Variants in STAU2 observed in about 807,000 individuals in gnomAD.
STAU2 encodes the protein staufen double-stranded RNA binding protein 2.
In STAU2, 20 loss-of-function variants were observed where a neutral mutation model predicts 65.9. The ratio of observed to expected loss-of-function variants is 0.30; its 90% CI spans 0.21 to 0.44. The LOEUF is 0.44. STAU2 is among the 20% of genes least tolerant of loss of function. The pLI is 1.00. For missense variants in STAU2, 558 were observed against 683.9 expected, an observed-to-expected ratio of 0.82 and a Z score of 2.05; for synonymous variants, 232 against 233.9, an observed-to-expected ratio of 0.99 and a Z score of 0.07.
At chr8:73,637,037 A>AT (rs1452441954) in intron 6 of STAU2, among the ~76,000 whole-genome samples, 4 of 152,120 alleles carry the variant, frequency 2.6e-5, no homozygotes, top group Admixed American at 6.6e-5. Context: ...CTGGATAGAC[A>AT]TAATAGCCAA....
At chr8:73,494,779 CTTGTA>C (rs1455852919) in intron 13 of STAU2, among the ~76,000 whole-genome samples, 2 of 151,622 alleles carry the variant, frequency 1.3e-5, no homozygotes, top group Admixed American at 6.6e-5. Flanking sequence ...TTGTAAGCCA[CTTGTA>C]TTGTAATTAG....
At chr8:73,662,194 CTAT>C (rs1278660938) in intron 6 of STAU2, among the ~76,000 whole-genome samples, 1 of 152,144 alleles carries the variant, frequency 6.6e-6, no homozygotes, top group Non-Finnish European at 1.5e-5. Flanking sequence ...ATTCTTATCT[CTAT>C]TGTCTATTCA....
At chr8:73,703,734 A>G (rs1474375373) in intron 4 of STAU2, among the ~76,000 whole-genome samples, 1 of 152,242 alleles carries the variant, frequency 6.6e-6, no homozygotes, top group African/African-American at 2.4e-5. Flanking sequence ...GATTACATTT[A>G]TATAGTTTTA....
rs375660771 is a variant in STAU2, at chr8:73,616,195, C to A, written c.571-413G>T. On this transcript the variant is annotated intron_variant, in intron 7 of 14. Coordinates refer to ENST00000524300, the MANE Select transcript of STAU2 (RefSeq NM_001164380.2). ...AGTACAGGATGCAAACCAGGAGCAT[C>A]CTAATTGGAGATCTATGTCTGGCAC... Among the ~76,000 whole-genome samples, 56 of 152,172 alleles carry A rather than the reference C, an allele frequency of 3.7e-4. No homozygotes were observed. In the South Asian group the frequency reaches 0.011, roughly 31 times the overall value.
chr8:73,704,254 T>C (rs1820333978), intron 4 of STAU2, among the ~76,000 whole-genome samples: 2 of 152,212 alleles, frequency 1.3e-5, no homozygotes, highest in African/African-American at 4.8e-5. Context: ...CTCCAACAAA[T>C]CAATGTCATA....
At chr8:73,607,329 T>C (rs1812093195) in intron 9 of STAU2, among the ~76,000 whole-genome samples, 11 of 152,158 alleles carry the variant, frequency 7.2e-5, no homozygotes, top group Admixed American at 7.2e-4. Flanking sequence ...TATTGAGAAA[T>C]GTTTTATACT....
At chr8:73,637,284 AG>A (rs1814594625) in intron 6 of STAU2, among the ~76,000 whole-genome samples, 1 of 151,802 alleles carries the variant, frequency 6.6e-6, no homozygotes, top group African/African-American at 2.4e-5. Context: ...TACATATTCA[AG>A]AAGCTCAGTG....
intron 1 of STAU2, among the ~76,000 whole-genome samples, chr8:73,742,708 A>G (rs1806972111): frequency 6.6e-6 from 1 of 151,798 alleles, no homozygotes; most frequent in South Asian, 2.1e-4. Context: ...ACTAAATGAA[A>G]ACAAGCAGGA....
intron 11 of STAU2, among the ~76,000 whole-genome samples, chr8:73,591,862 T>C (rs1810799738): frequency 1.4e-5 from 1 of 73,860 alleles, no homozygotes; most frequent in Non-Finnish European, 2.4e-5. Context: ...TAAAAACCCA[T>C]ACAGCGTGTA....
intron 13 of STAU2, among the ~76,000 whole-genome samples, chr8:73,513,082 C>G (rs753105004): frequency 1.3e-5 from 2 of 152,098 alleles, no homozygotes; most frequent in Non-Finnish European, 2.9e-5. Flanking sequence ...CCTTTTCTTT[C>G]TTTAAATATC....
intron 14 of STAU2, among the ~76,000 whole-genome samples, chr8:73,421,989 C>T (rs1489814505): frequency 6.8e-5 from 10 of 147,748 alleles, no homozygotes; most frequent in African/African-American, 7.5e-5. Context: ...AATTGAGTCT[C>T]TGGAGAGACC....
At chr8:73,457,873 G>A (rs1819153934) in intron 13 of STAU2, among the ~76,000 whole-genome samples, 1 of 152,174 alleles carries the variant, frequency 6.6e-6, no homozygotes, top group African/African-American at 2.4e-5. Flanking sequence ...TGTTGCACTG[G>A]GTGTGATCCC....
intron 6 of STAU2, among the ~76,000 whole-genome samples, chr8:73,641,858 G>A (rs1815001464): frequency 6.6e-6 from 1 of 152,138 alleles, no homozygotes; most frequent in Admixed American, 6.6e-5. Context: ...TTAGAATTCT[G>A]TGAGACTAAT....
chr8:73,657,594 C>T (rs1816477666), intron 6 of STAU2, among the ~76,000 whole-genome samples: 1 of 152,114 alleles, frequency 6.6e-6, no homozygotes, highest in South Asian at 2.1e-4. Flanking sequence ...TATATTATTA[C>T]TAATTTCATA....
intron 6 of STAU2, among the ~76,000 whole-genome samples, chr8:73,670,798 C>G (rs1817618423): frequency 6.6e-6 from 1 of 152,004 alleles, no homozygotes. Context: ...ATAACAAAAG[C>G]ACCAGCAAAT....
At chr8:73,431,635 AG>A (rs1322628333) in intron 13 of STAU2, among the ~76,000 whole-genome samples, 1 of 152,250 alleles carries the variant, frequency 6.6e-6, no homozygotes, top group Non-Finnish European at 1.5e-5. Flanking sequence ...GTTTTAGAAC[AG>A]GTGTCTCTAC....
At chr8:73,564,741 T>C (rs893624792) in intron 12 of STAU2, among the ~76,000 whole-genome samples, 1 of 152,212 alleles carries the variant, frequency 6.6e-6, no homozygotes, top group African/African-American at 2.4e-5. Flanking sequence ...TGTTATAATA[T>C]TGATGAGAAA....
chr8:73,462,867 G>A (rs551427299), intron 13 of STAU2, among the ~76,000 whole-genome samples: 3 of 152,206 alleles, frequency 2.0e-5, no homozygotes, highest in Admixed American at 2.0e-4. Flanking sequence ...AGTGCCTTTA[G>A]AGTATACACA....
intron 13 of STAU2, among the ~76,000 whole-genome samples, chr8:73,449,113 C>T (rs1016618151): frequency 1.3e-5 from 2 of 152,344 alleles, no homozygotes; most frequent in Middle Eastern, 3.4e-3. Flanking sequence ...CGAGCAGGGA[C>T]CGCGCAGCTC....
Sources: allele counts gnomAD v4.1 joint callset (sites outside exome capture counted in the v4.1 genomes callset), GRCh38; gene constraint gnomAD v4.1.1; transcripts MANE v1.5; gene names NCBI Gene and HGNC (gene_info 2026-07-23, HGNC 2026-07-21).